HMCN1: variants seen among roughly 807,000 people sequenced by gnomAD.
The protein encoded by HMCN1 is hemicentin 1.
HMCN1 carries 321 observed loss-of-function variants against 625.9 expected under a neutral mutation model. The ratio of observed to expected loss-of-function variants is 0.51; its 90% CI spans 0.47 to 0.56. The LOEUF (loss-of-function observed/expected upper bound fraction) is 0.56, where lower values mean the gene tolerates loss of function less well. Ranked by LOEUF, HMCN1 falls within the 20% of genes least tolerant of loss-of-function variation. HMCN1 has a pLI of 0.00. For synonymous variants in HMCN1, 2,425 were observed against 2,417.6 expected, an observed-to-expected ratio of 1.00 and a Z score of -0.09; for missense variants, 6,588 against 6,887.3, an observed-to-expected ratio of 0.96 and a Z score of 1.54.
chr1:185,976,336 G>A (rs1328255224), intron 15 of HMCN1, among the ~76,000 whole-genome samples: 1 of 152,148 alleles, frequency 6.6e-6, no homozygotes, highest in Non-Finnish European at 1.5e-5. Context: ...AACAAGGGAT[G>A]TTGATTGCCC....
chr1:186,055,977 T>C (rs1657296165), intron 45 of HMCN1, among the ~76,000 whole-genome samples: 1 of 152,032 alleles, frequency 6.6e-6, no homozygotes, highest in Non-Finnish European at 1.5e-5. Context: ...TTTTTTATGT[T>C]TTCCAAATTT....
At chr1:185,746,739 G>A (rs1418045101) in intron 1 of HMCN1, among the ~76,000 whole-genome samples, 1 of 151,538 alleles carries the variant, frequency 6.6e-6, no homozygotes, top group Non-Finnish European at 1.5e-5. Flanking sequence ...CTGAGTAGCT[G>A]GGATTACAGG....
intron 106 of HMCN1, among the ~76,000 whole-genome samples, chr1:186,189,189 G>A (rs1033062861): frequency 1.3e-5 from 2 of 152,098 alleles, no homozygotes; most frequent in African/African-American, 4.8e-5. Context: ...CAATATATAT[G>A]CAGAAGCTCT....
At chr1:185,895,991 A>C (rs1665467574) in intron 4 of HMCN1, among the ~76,000 whole-genome samples, 1 of 151,412 alleles carries the variant, frequency 6.6e-6, no homozygotes, top group African/African-American at 2.4e-5. Flanking sequence ...GCTAGAGTGC[A>C]GTGGCGCAAT....
intron 30 of HMCN1, among the ~76,000 whole-genome samples, chr1:186,007,846 C>T (rs1653742078): frequency 6.6e-6 from 1 of 152,086 alleles, no homozygotes; most frequent in South Asian, 2.1e-4. Flanking sequence ...TTAATTTTTA[C>T]CAGTGGAGCC....
intron 1 of HMCN1, among the ~76,000 whole-genome samples, chr1:185,755,647 A>G (rs1655086587): frequency 6.6e-6 from 1 of 152,192 alleles, no homozygotes; most frequent in African/African-American, 2.4e-5. Context: ...ACTGAGGAGA[A>G]CACAACTGCT....
chr1:186,062,846 AGG>A (rs1370906184), intron 48 of HMCN1, among the ~76,000 whole-genome samples: 1 of 151,110 alleles, frequency 6.6e-6, no homozygotes, highest in East Asian at 1.9e-4. Context: ...CTAGTCCCCA[AGG>A]TCTATTATTT....
At chr1:186,133,613 T>G (rs1662062543) in intron 86 of HMCN1, among the ~76,000 whole-genome samples, 1 of 152,212 alleles carries the variant, frequency 6.6e-6, no homozygotes, top group Non-Finnish European at 1.5e-5. Context: ...AGGGTGAATT[T>G]ACATTTTCTT....
intron 97 of HMCN1, among the ~76,000 whole-genome samples, chr1:186,155,112 A>G (rs1450620309): frequency 1.3e-5 from 2 of 152,204 alleles, no homozygotes; most frequent in Non-Finnish European, 2.9e-5. Context: ...TCACCATTTT[A>G]TCATGTTTAG....
In HMCN1 at chr1:186,115,347, A is replaced by C. The variant is rs755713924; in HGVS notation, c.11494A>C (p.Lys3832Gln). ...GGCTTGTGAGGCTACTGGGATACCAAAACCATCAATCAATTGGAGAAAAAA... is the reference window on the plus strand; with the variant it reads ...GGCTTGTGAGGCTACTGGGATACCACAACCATCAATCAATTGGAGAAAAAA... ...TLACEATGIP[K>Q]PSINWRKNGH... The change falls in exon 75 of 107, where the codon AAA becomes CAA. Residue 3832 changes from lysine to glutamine, a missense_variant. By Grantham distance (53) the Lys-to-Gln change is moderately conservative (BLOSUM62 1). This residue lies in a region of HMCN1 where 4,628 missense variants were observed against 4,853.1 expected (regional missense o/e 0.95). Transcript: ENST00000271588. The C allele has an allele frequency of 1.1e-5, 17 of 1,614,022 alleles. No individual in the cohort carries two copies. The highest frequency in any genetic ancestry group is 1.4e-5 in the Non-Finnish European group (17 of 1,179,946).
At chr1:186,050,859 C>T (rs918371372) in intron 42 of HMCN1, among the ~76,000 whole-genome samples, 13 of 152,010 alleles carry the variant, frequency 8.6e-5, no homozygotes, top group Admixed American at 2.0e-4. Context: ...GTTGTTCTCA[C>T]GGAACTTATA....
chr1:185,985,681 T>C (rs1402918964), intron 19 of HMCN1, among the ~76,000 whole-genome samples: 1 of 152,204 alleles, frequency 6.6e-6, no homozygotes, highest in African/African-American at 2.4e-5. Flanking sequence ...GTGCAGCCAT[T>C]TGGCATTAAC....
chr1:185,827,936 T>G (rs1456745862), intron 1 of HMCN1, among the ~76,000 whole-genome samples: 1 of 152,098 alleles, frequency 6.6e-6, no homozygotes, highest in Non-Finnish European at 1.5e-5. Flanking sequence ...TGCTAGAAAA[T>G]AATGGAGCAA....
chr1:186,137,190 T>A (rs1649658165), intron 87 of HMCN1, among the ~76,000 whole-genome samples: 2 of 152,164 alleles, frequency 1.3e-5, no homozygotes. Context: ...TTCTTAGAAA[T>A]CAATGTATAT....
chr1:185,798,075 C>T (rs6676349), intron 1 of HMCN1, among the ~76,000 whole-genome samples: 5,971 of 145,376 alleles, frequency 0.041, 380 homozygotes, highest in African/African-American at 0.14. Flanking sequence ...TTCTTTTGTG[C>T]ATTTCTTCTA....
At chr1:185,841,282 A>T (rs536504334) in intron 1 of HMCN1, among the ~76,000 whole-genome samples, 2 of 152,332 alleles carry the variant, frequency 1.3e-5, no homozygotes, top group South Asian at 4.1e-4. Context: ...GAAGCACAAA[A>T]AAATTGTTTA....
intron 4 of HMCN1, among the ~76,000 whole-genome samples, chr1:185,896,205 G>C (rs996788218): frequency 6.6e-6 from 1 of 152,010 alleles, no homozygotes; most frequent in African/African-American, 2.4e-5. Context: ...CAAAGTGCTG[G>C]GATTATAGGC....
chr1:185,758,868 TA>T (rs1410974469), intron 1 of HMCN1, among the ~76,000 whole-genome samples: 1 of 152,222 alleles, frequency 6.6e-6, no homozygotes, highest in African/African-American at 2.4e-5. Context: ...AAGTAGTTGT[TA>T]TTTCTTCCAT....
intron 93 of HMCN1, among the ~76,000 whole-genome samples, chr1:186,147,554 A>C (rs924368337): frequency 1.3e-5 from 2 of 152,142 alleles, no homozygotes; most frequent in African/African-American, 4.8e-5. Context: ...GATTTTTCTG[A>C]GGCTGAATGC....
Sources: allele counts gnomAD v4.1 joint callset (sites outside exome capture counted in the v4.1 genomes callset), GRCh38; gene constraint gnomAD v4.1.1; regional missense constraint gnomAD v4.1.1; transcripts MANE v1.5; gene names NCBI Gene and HGNC (gene_info 2026-07-23, HGNC 2026-07-21).